Variants in HIVEP3 observed in about 807,000 individuals in gnomAD.
The protein encoded by HIVEP3 is transcription factor HIVEP3.
In HIVEP3, 49 loss-of-function variants were observed where a neutral mutation model predicts 152.8. That is an observed-to-expected ratio of 0.32 (90% CI 0.26 to 0.41). The LOEUF (loss-of-function observed/expected upper bound fraction) is 0.41. Among genes scored for constraint, HIVEP3 ranks in the 10% least tolerant of loss-of-function variants. The pLI, the probability that HIVEP3 is intolerant of heterozygous loss-of-function variation, is 1.00. For missense variants in HIVEP3, 2,790 were observed against 3,103.3 expected (o/e 0.90, Z 2.40); for synonymous variants, 1,269 against 1,289.0 (o/e 0.98, Z 0.33).
chr1:41,940,260 ATGAG>A (rs1169188951), intron 1 of HIVEP3, among the ~76,000 whole-genome samples: 1 of 152,236 alleles, frequency 6.6e-6, no homozygotes, highest in Non-Finnish European at 1.5e-5. Context: ...TTCCTAAATG[ATGAG>A]TGAGTCATTA....
rs768586440 is a variant in HIVEP3, at chr1:41,513,480, C to T, written c.5741G>A (p.Arg1914Gln). The T allele has an allele frequency of 2.3e-5, 37 of 1,610,478 alleles. No homozygotes were observed. Among genetic ancestry groups the T allele is most frequent in the Admixed American group, 1.5e-4 (9 of 59,910 alleles). ...CTCAGCTTCCGAGACCGAGCTGCCT[C>T]GTGTAGCCTCCGTGCCAGAGGCGGG... ...DAPASGTEAT[R>Q]GSSVSEAERL... The change falls in exon 8 of 9, where the codon CGA (arginine) becomes CAA (glutamine). Residue 1914 changes from arginine (R) to glutamine (Q), a missense_variant. By Grantham distance (43) the Arg-to-Gln change is conservative. Transcript: ENST00000372583.
intron 1 of HIVEP3, among the ~76,000 whole-genome samples, chr1:41,715,904 C>T (rs920348135): frequency 6.6e-6 from 1 of 152,240 alleles, no homozygotes; most frequent in African/African-American, 2.4e-5. Flanking sequence ...GAGGAACTTG[C>T]ACATATACAC....
rs985878586 is a variant in HIVEP3, at chr1:41,512,868, G to C, written c.6353C>G (p.Pro2118Arg). Residue 2118 changes from proline to arginine, a missense_variant, in exon 8 of 9, where the codon CCT becomes CGT. By Grantham distance (103) the Pro-to-Arg change is moderately radical (BLOSUM62 -2). Coordinates refer to ENST00000372583, the MANE Select transcript of HIVEP3 (RefSeq NM_024503.5). ...TCTGCTGAGGAGCTTGTGAGGTAGA[G>C]GCGCGGGCGGGAAGAGAACCCGTGG... Reference protein sequence around the residue: ...LDPRVLFPPAPLPHKLLSRSP... With the variant: ...LDPRVLFPPARLPHKLLSRSP... 6.5e-7 allele frequency: 1 copy of C among 1,549,884 alleles called. No homozygotes were observed. Among genetic ancestry groups the C allele is most frequent in the South Asian group, 1.2e-5 (1 of 84,670 alleles).
intron 1 of HIVEP3, among the ~76,000 whole-genome samples, chr1:41,787,636 C>G (rs183231338): frequency 6.6e-6 from 1 of 150,896 alleles, no homozygotes; most frequent in African/African-American, 2.4e-5. Flanking sequence ...TGAGCTCCAG[C>G]GATCCTCCCA....
intron 3 of HIVEP3, among the ~76,000 whole-genome samples, chr1:41,595,521 C>G (rs564743238): frequency 6.6e-6 from 1 of 152,196 alleles, no homozygotes; most frequent in Admixed American, 6.5e-5. Flanking sequence ...CTTGTTTGAG[C>G]TGGGTTTTGA....
intron 3 of HIVEP3, among the ~76,000 whole-genome samples, chr1:41,599,995 T>A (rs1413680731): frequency 6.6e-6 from 1 of 151,910 alleles, no homozygotes; most frequent in East Asian, 1.9e-4. Flanking sequence ...ACTAGGGAAA[T>A]GAAAAATCAA....
Position 41,873,124 on chromosome 1 carries a change from A to T in HIVEP3, c.-801+45289T>A, listed in dbSNP as rs1644111161. On this transcript the variant is annotated intron_variant, in intron 1 of 8. Coordinates refer to ENST00000372583, the MANE Select transcript of HIVEP3 (RefSeq NM_024503.5). The surrounding 1 kb of genome is among the most constrained non-coding windows in gnomAD (Gnocchi z 4.2). ...TGAAGGGGCTGGCAGGCGGCTTCCC[A>T]GGCAGGGTCTGCTCAGGACTGCTCT... Among the ~76,000 whole-genome samples, 1 of 152,244 alleles carries T rather than the reference A, an allele frequency of 6.6e-6. No individual in the cohort carries two copies. The highest frequency in any genetic ancestry group is 2.1e-4 in the South Asian group (1 of 4,832).
At chr1:41,578,761 G>A (rs537426244) in intron 4 of HIVEP3, among the ~76,000 whole-genome samples, 3 of 152,176 alleles carry the variant, frequency 2.0e-5, no homozygotes, top group Non-Finnish European at 4.4e-5. Context: ...AGATTATCTT[G>A]ACCTTTCTCA....
At position 41,954,027 on chromosome 1, in the gene HIVEP3, G is replaced by A. The variant is rs1388437396; in HGVS notation, n.120-35503C>T. ...TTGTGTAACTGGTTCTCTACCCAGA[G>A]AGAAGACCCTCAGATGGCAGACCAC... On this transcript the variant is annotated intron_variant and non_coding_transcript_variant, in intron 1 of 3. Coordinates refer to the HIVEP3 transcript ENST00000489103. Among the ~76,000 whole-genome samples the A allele has an allele frequency of 2.0e-5, 3 of 152,148 alleles. No homozygotes were observed. The East Asian group carries it at 5.8e-4, about 29-fold the overall frequency.
At chr1:41,722,047 T>C (rs904355469) in intron 1 of HIVEP3, among the ~76,000 whole-genome samples, 1 of 152,228 alleles carries the variant, frequency 6.6e-6, no homozygotes, top group East Asian at 1.9e-4. Context: ...TGGGAGGAAC[T>C]GAGAGGGCCT....
intron 1 of HIVEP3, among the ~76,000 whole-genome samples, chr1:41,843,377 T>A (rs1272109383): frequency 2.0e-5 from 3 of 152,216 alleles, no homozygotes; most frequent in Non-Finnish European, 4.4e-5. Flanking sequence ...GAAAATAGCA[T>A]AAATCAGAAG....
chr1:42,026,219 C>T (rs1465269444), intron 1 of HIVEP3, among the ~76,000 whole-genome samples: 1 of 152,202 alleles, frequency 6.6e-6, no homozygotes, highest in Non-Finnish European at 1.5e-5. Flanking sequence ...GTTCACCTTT[C>T]CCCTGAATAA....
intron 7 of HIVEP3, among the ~76,000 whole-genome samples, chr1:41,515,213 G>A (rs1383011433): frequency 6.6e-6 from 1 of 152,260 alleles, no homozygotes; most frequent in African/African-American, 2.4e-5. Context: ...CTAGGCTTTG[G>A]CTCTCAACCA....
chr1:41,781,822 G>A (rs1412205023), intron 1 of HIVEP3, among the ~76,000 whole-genome samples: 1 of 152,166 alleles, frequency 6.6e-6, no homozygotes, highest in African/African-American at 2.4e-5. Context: ...TTCTTTTGCT[G>A]CCATGTCCTT....
chr1:41,880,079 G>C (rs1039534838), intron 1 of HIVEP3, among the ~76,000 whole-genome samples: 5 of 151,906 alleles, frequency 3.3e-5, no homozygotes, highest in African/African-American at 1.2e-4. Flanking sequence ...TCTTTTTTCT[G>C]AGATGGGTCT....
At chr1:41,827,908 C>A (rs1006708253) in intron 1 of HIVEP3, among the ~76,000 whole-genome samples, 4 of 151,708 alleles carry the variant, frequency 2.6e-5, no homozygotes, top group Non-Finnish European at 4.4e-5. Flanking sequence ...AGAGGAGGAC[C>A]CCAGAGGGAC....
At chr1:41,541,029 C>G (rs1643518907) in intron 5 of HIVEP3, among the ~76,000 whole-genome samples, 1 of 152,136 alleles carries the variant, frequency 6.6e-6, no homozygotes, top group Non-Finnish European at 1.5e-5. Context: ...GGTCACGGCT[C>G]AGAGGACTGA....
intron 1 of HIVEP3, among the ~76,000 whole-genome samples, chr1:41,835,835 T>G (rs578208036): frequency 2.6e-5 from 4 of 152,210 alleles, no homozygotes; most frequent in South Asian, 2.1e-4. Context: ...TGGGCCCCTC[T>G]AAGAAGCAGT....
chr1:41,767,227 C>T (rs187911974), intron 1 of HIVEP3, among the ~76,000 whole-genome samples: 23 of 152,324 alleles, frequency 1.5e-4, no homozygotes, highest in Non-Finnish European at 2.4e-4. Flanking sequence ...AGATTCCTTC[C>T]ACATTTTATA....
Sources: gnomAD v4.1 joint callset for allele counts (sites outside exome capture counted in the v4.1 genomes callset) on GRCh38, gnomAD v4.1.1 for gene constraint, Gnocchi (gnomAD v3.1) non-coding constraint, MANE v1.5 for transcripts, NCBI Gene and HGNC (gene_info 2026-07-23, HGNC 2026-07-21) for gene names.